Variants in ST6GALNAC3 observed in about 807,000 individuals in gnomAD.
ST6GALNAC3 encodes ST6 N-acetylgalactosaminide alpha-2,6-sialyltransferase 3, also known as alpha-N-acetylgalactosaminide alpha-2,6-sialyltransferase 3.
In ST6GALNAC3, 25 loss-of-function variants were observed where a neutral mutation model predicts 32.7. The ratio of observed to expected loss-of-function variants is 0.76; its 90% CI spans 0.56 to 1.07. ST6GALNAC3 has a LOEUF of 1.07. Ranked by LOEUF, ST6GALNAC3 falls within the 50% of genes least tolerant of loss-of-function variation. The pLI is 0.00. For synonymous variants in ST6GALNAC3, 129 were observed against 133.1 expected (o/e 0.97, Z 0.21); for missense variants, 355 against 382.4 (o/e 0.93, Z 0.60).
chr1:76,174,287 G>C (rs1355394077), intron 1 of ST6GALNAC3, among the ~76,000 whole-genome samples: 1 of 152,148 alleles, frequency 6.6e-6, no homozygotes, highest in African/African-American at 2.4e-5. Context: ...TGGACACAGA[G>C]AGTGGAACAA....
At chr1:76,192,547 C>A (rs1026299232) in intron 1 of ST6GALNAC3, among the ~76,000 whole-genome samples, 2 of 152,176 alleles carry the variant, frequency 1.3e-5, no homozygotes, top group African/African-American at 4.8e-5. Context: ...ATTGTCTCTG[C>A]CTACAGGAAG....
intron 1 of ST6GALNAC3, among the ~76,000 whole-genome samples, chr1:76,166,537 A>G (rs1652135770): frequency 6.6e-6 from 1 of 152,200 alleles, no homozygotes; most frequent in South Asian, 2.1e-4. Context: ...TTCTGTGAAG[A>G]ATGTCAATGC....
intron 1 of ST6GALNAC3, among the ~76,000 whole-genome samples, chr1:76,284,210 T>G (rs1024802565): frequency 6.6e-6 from 1 of 152,188 alleles, no homozygotes; most frequent in Non-Finnish European, 1.5e-5. Context: ...AAATGTATGT[T>G]GATAACACAG....
chr1:76,326,162 C>G (rs1287551063), intron 2 of ST6GALNAC3, among the ~76,000 whole-genome samples: 1 of 152,176 alleles, frequency 6.6e-6, no homozygotes, highest in Non-Finnish European at 1.5e-5. Flanking sequence ...TGGTCTGTTT[C>G]ATGTGTCTCT....
intron 1 of ST6GALNAC3, among the ~76,000 whole-genome samples, chr1:76,149,531 T>C (rs1650906979): frequency 6.6e-6 from 1 of 152,204 alleles, no homozygotes; most frequent in Admixed American, 6.5e-5. Flanking sequence ...CAACATGATA[T>C]ATATATATGC....
chr1:76,285,262 G>T (rs760967357), intron 1 of ST6GALNAC3, among the ~76,000 whole-genome samples: 10 of 152,182 alleles, frequency 6.6e-5, no homozygotes, highest in Non-Finnish European at 1.3e-4. Context: ...TCTGTGAGAA[G>T]TAAAAGAATG....
chr1:76,394,290 T>C (rs1199117677), intron 2 of ST6GALNAC3, among the ~76,000 whole-genome samples: 1 of 152,208 alleles, frequency 6.6e-6, no homozygotes. Context: ...TCTTTTATAA[T>C]AGTCTTAAAA....
At chr1:76,475,439 C>A (rs938177173) in intron 3 of ST6GALNAC3, among the ~76,000 whole-genome samples, 2 of 152,132 alleles carry the variant, frequency 1.3e-5, no homozygotes, top group Admixed American at 1.3e-4. Context: ...CTGGTAAGGG[C>A]ACAAGTTACT....
chr1:76,535,725 C>T lies in ST6GALNAC3; in HGVS notation c.624-91727C>T, dbSNP rs147916130. 2.9e-3 allele frequency among the ~76,000 whole-genome samples: 446 copies of T among 152,146 alleles called. 1 individual carries two copies. The highest frequency in any genetic ancestry group is 0.01 in the African/African-American group (427 of 41,520). On this transcript the variant is annotated intron_variant, in intron 3 of 4. Coordinates refer to ENST00000328299, the MANE Select transcript of ST6GALNAC3 (RefSeq NM_152996.4). Reference sequence around the variant, plus strand: ...ATAACCTAATCTAGTTTCTCTTATCCTCAGGGAAGTGAATCCAAATATTGG... The same window carrying T: ...ATAACCTAATCTAGTTTCTCTTATCTTCAGGGAAGTGAATCCAAATATTGG...
At chr1:76,497,697 T>A (rs1429862878) in intron 3 of ST6GALNAC3, among the ~76,000 whole-genome samples, 1 of 152,164 alleles carries the variant, frequency 6.6e-6, no homozygotes, top group Non-Finnish European at 1.5e-5. Context: ...TAGGTATACA[T>A]ATCCCATTTT....
intron 3 of ST6GALNAC3, among the ~76,000 whole-genome samples, chr1:76,472,138 T>C (rs1659072873): frequency 6.6e-6 from 1 of 152,120 alleles, no homozygotes; most frequent in African/African-American, 2.4e-5. Context: ...ATGGCCGACA[T>C]TTTAGGTGTT....
chr1:76,603,363 T>C (rs1647322750), intron 3 of ST6GALNAC3, among the ~76,000 whole-genome samples: 1 of 152,156 alleles, frequency 6.6e-6, no homozygotes. Flanking sequence ...TATGAATGCA[T>C]AAATGGATTT....
chr1:76,405,833 A>G (rs890721962), intron 2 of ST6GALNAC3, among the ~76,000 whole-genome samples: 2 of 151,878 alleles, frequency 1.3e-5, no homozygotes, highest in Admixed American at 1.3e-4. Flanking sequence ...TATCATGGTA[A>G]ATTGATTTCT....
chr1:76,557,731 G>A lies in ST6GALNAC3; in HGVS notation c.624-69721G>A, dbSNP rs554179304. 1.0e-3 allele frequency among the ~76,000 whole-genome samples: 155 copies of A among 152,148 alleles called. 1 individual carries two copies. Among genetic ancestry groups the A allele is most frequent in the Non-Finnish European group, 1.0e-3 (70 of 67,972 alleles). On this transcript the variant is annotated intron_variant, in intron 3 of 4. Transcript: ENST00000328299. ...TCCCCAAAGAAAAGTAGAGTAGATA[G>A]GCTGGAAACTAACCCTTCCACTCCT...
At chr1:76,143,865 G>T (rs564715822) in intron 1 of ST6GALNAC3, among the ~76,000 whole-genome samples, 33 of 152,238 alleles carry the variant, frequency 2.2e-4, no homozygotes, top group Non-Finnish European at 4.3e-4. Flanking sequence ...TGGAGTTATG[G>T]GGAACAGTGG....
intron 1 of ST6GALNAC3, among the ~76,000 whole-genome samples, chr1:76,205,311 C>T (rs1654759030): frequency 6.6e-6 from 1 of 152,136 alleles, no homozygotes; most frequent in African/African-American, 2.4e-5. Flanking sequence ...AAGAAAGAGC[C>T]CCTTGTACAC....
chr1:76,378,454 G>A (rs1651417960), intron 2 of ST6GALNAC3, among the ~76,000 whole-genome samples: 1 of 152,116 alleles, frequency 6.6e-6, no homozygotes, highest in Non-Finnish European at 1.5e-5. Context: ...CTGAGGCCAG[G>A]AGTTTGAGAC....
At chr1:76,139,919 G>T (rs1650210278) in intron 1 of ST6GALNAC3, among the ~76,000 whole-genome samples, 1 of 152,212 alleles carries the variant, frequency 6.6e-6, no homozygotes, top group Non-Finnish European at 1.5e-5. Flanking sequence ...ACATGAATAA[G>T]CTCTGAATCC....
At chr1:76,492,423 A>G in intron 3 of ST6GALNAC3, among the ~76,000 whole-genome samples, 1 of 152,194 alleles carries the variant, frequency 6.6e-6, no homozygotes, top group East Asian at 1.9e-4. Flanking sequence ...GTAAAAATTA[A>G]AAGAAAAACA....
Sources: gnomAD v4.1 joint callset for allele counts (sites outside exome capture counted in the v4.1 genomes callset) on GRCh38, gnomAD v4.1.1 for gene constraint, MANE v1.5 for transcripts, NCBI Gene and HGNC (gene_info 2026-07-23, HGNC 2026-07-21) for gene names.